CLBA1: variants seen among roughly 807,000 people sequenced by gnomAD.
CLBA1 encodes the protein clathrin binding box of aftiphilin containing 1.
Under a neutral mutation model 28.8 loss-of-function variants are expected in CLBA1, and 30 were observed. The observed-to-expected ratio is 1.04, with a 90% confidence interval of 0.78 to 1.41. The LOEUF is 1.41. Ranked by LOEUF, CLBA1 falls within the 40% of genes most tolerant of loss-of-function variation. CLBA1 has a pLI of 0.00. For missense variants in CLBA1, 451 were observed against 412.3 expected (o/e 1.09, Z -0.81); for synonymous variants, 160 against 152.8 (o/e 1.05, Z -0.35).
At chr14:104,992,205 G>A (rs1002279262) in intron 3 of CLBA1, among the ~76,000 whole-genome samples, 4 of 145,052 alleles carry the variant, frequency 2.8e-5, no homozygotes, top group South Asian at 2.2e-4. Flanking sequence ...CCACTCACAC[G>A]CCACCACTCA....
intron 2 of CLBA1, chr14:104,990,114 G>C (rs1425347667): frequency 5.2e-6 from 1 of 192,850 alleles, no homozygotes; most frequent in Non-Finnish European, 1.1e-5. Context: ...GACGGTGGGG[G>C]TGGGCTCTGT....
In CLBA1 at chr14:104,986,633, T is replaced by A. The variant is rs775662444; in HGVS notation, c.202T>A (p.Cys68Ser). ...REGGSTCTAR[C>S]PDPGEHSSTW... is the part of the protein sequence containing the mutation. ...GGGCGGTTCCACCTGCACTGCCCGA[T>A]GTCCTGACCCTGGGGAACACAGCAG... Residue 68 changes from cysteine (C) to serine (S), a missense_variant, in exon 1 of 5, where the codon TGT (cysteine) becomes AGT (serine). Transcript: ENST00000547315. 2 of 1,614,138 alleles carry A rather than the reference T, an allele frequency of 1.2e-6. No homozygotes were observed. Among genetic ancestry groups the A allele is most frequent in the Admixed American group, 1.7e-5 (1 of 60,032 alleles).
chr14:104,996,614 ACCC>A (rs1330155451), downstream of CLBA1, among the ~76,000 whole-genome samples: 1 of 152,132 alleles, frequency 6.6e-6, no homozygotes, highest in Non-Finnish European at 1.5e-5. Flanking sequence ...GCTGCAAGAC[ACCC>A]CGGGCGCAAG....
At position 104,995,450 on chromosome 14, in the gene CLBA1, G is replaced by A. The variant is rs755496120; in HGVS notation, c.*691G>A. 38 of 985,408 alleles carry A rather than the reference G, an allele frequency of 3.9e-5. 1 individual carries two copies. The highest frequency in any genetic ancestry group is 1.9e-4 in the African/African-American group (11 of 57,344). 61.0% of individuals were successfully genotyped at this position (985,408 alleles called of 1,614,324 possible). A position where few individuals can be genotyped will look rare whatever the true frequency, so the allele number is the denominator to read the frequency against. ...TCTGCTAAGGAAAACTGTGCTCTTC[G>A]AAGGGCAGAGCCAAGAAGTCAGCCC... On this transcript the variant is annotated 3_prime_UTR_variant, in exon 5 of 5. Transcript: ENST00000547315.
At chr14:104,991,888 T>A (rs1900033832) in intron 3 of CLBA1, among the ~76,000 whole-genome samples, 1 of 152,160 alleles carries the variant, frequency 6.6e-6, no homozygotes, top group Non-Finnish European at 1.5e-5. Flanking sequence ...CATTCAGAGA[T>A]GTGCAACAGT....
chr14:104,996,540 T>C (rs1429447409), downstream of CLBA1, among the ~76,000 whole-genome samples: 1 of 152,092 alleles, frequency 6.6e-6, no homozygotes, highest in African/African-American at 2.4e-5. Flanking sequence ...TCCCAAAGTC[T>C]GGAGGCCCAG....
At chr14:104,999,076 C>G (rs1452562728), downstream of CLBA1, 4 of 360,998 alleles carry the variant, frequency 1.1e-5, no homozygotes, top group Non-Finnish European at 1.5e-5. Flanking sequence ...TGGCAAAGGC[C>G]CTTCCTCCCA....
chr14:104,992,236 A>C (rs1190354611), intron 3 of CLBA1, among the ~76,000 whole-genome samples: 1 of 150,184 alleles, frequency 6.7e-6, no homozygotes, highest in Non-Finnish European at 1.5e-5. Flanking sequence ...CGCACACGCC[A>C]CCAAGCACAC....
In CLBA1 at chr14:104,995,033, T is replaced by C; in HGVS notation, c.*274T>C. On this transcript the variant is annotated 3_prime_UTR_variant, in exon 5 of 5. Transcript: ENST00000547315. Reference sequence around the variant, plus strand: ...TGGCACTCATGGGCCCCCTGCCCCATGTGAATGCTGCTGGCACCTGGTGGG... The same window carrying C: ...TGGCACTCATGGGCCCCCTGCCCCACGTGAATGCTGCTGGCACCTGGTGGG... The C allele has an allele frequency of 9.2e-7, 1 of 1,088,474 alleles. No homozygotes were observed. The highest frequency in any genetic ancestry group is 1.6e-5 in the African/African-American group (1 of 60,658). The allele number at this position is 1,088,474 out of a possible 1,614,324, so 67.4% of individuals were successfully genotyped here.
At chr14:105,000,294 T>C (rs897999763), downstream of CLBA1, among the ~76,000 whole-genome samples, 2 of 151,836 alleles carry the variant, frequency 1.3e-5, no homozygotes, top group Non-Finnish European at 1.5e-5. Context: ...TTCTTTCTTT[T>C]TTTTTTTTGC....
chr14:104,994,335 A>C (rs540983357), intron 4 of CLBA1: 2 of 985,470 alleles, frequency 2.0e-6, no homozygotes, highest in South Asian at 9.4e-5. Flanking sequence ...CAAGGGCCAG[A>C]GACCCCGCCT....
At chr14:104,989,634 A>G (rs1446710850) in intron 2 of CLBA1, 1 of 456,130 alleles carries the variant, frequency 2.2e-6, no homozygotes, top group Non-Finnish European at 4.4e-6. Context: ...TTTTCCAGGG[A>G]CACACTTTCA....
chr14:104,994,327 A>T (rs1356850658), intron 4 of CLBA1: 4 of 985,444 alleles, frequency 4.1e-6, no homozygotes, highest in Non-Finnish European at 4.8e-6. Flanking sequence ...ACGTAGCACA[A>T]GGGCCAGAGA....
Position 104,986,273 on chromosome 14 carries a change from T to C in CLBA1, c.-159T>C, listed in dbSNP as rs1217758421. 8.3e-6 allele frequency: 6 copies of C among 718,924 alleles called. No homozygotes were observed. In the African/African-American group the frequency reaches 8.9e-5, roughly 11 times the overall value. 44.5% of individuals were successfully genotyped at this position (718,924 alleles called of 1,614,324 possible). On this transcript the variant is annotated 5_prime_UTR_variant, in exon 1 of 5. Transcript: ENST00000547315. ...GTTCCACAGCAGCACGTGGGCACTT[T>C]CCACCGTCAGCCACTGGGCAGCCCG...
chr14:104,998,909 T>A (rs567341716), downstream of CLBA1, among the ~76,000 whole-genome samples: 3 of 152,212 alleles, frequency 2.0e-5, no homozygotes, highest in Non-Finnish European at 4.4e-5. Flanking sequence ...CAAATAACAC[T>A]GATGGAGGAC....
rs1483651729 is a variant in CLBA1 at position 104,989,026 on chromosome 14, A to G, written c.507A>G (p.Ile169Met). The change falls in exon 2 of 5, where the codon ATA becomes ATG. Residue 169 changes from isoleucine (I) to methionine (M), a missense_variant. Transcript: ENST00000547315. The stretch of plus-strand genomic sequence containing the variant: ...AGGCAGCTGAAGACGTTTCCACCAT[A>G]GACCATTTCCTAGAAATAAGCAGTG... ...VQQAAEDVST[I>M]DHFLEISSEE... 1 of 1,613,672 alleles carries G rather than the reference A, an allele frequency of 6.2e-7. No homozygotes were observed. The highest frequency in any genetic ancestry group is 8.5e-7 in the Non-Finnish European group (1 of 1,179,770).
rs1158621713 is a variant in CLBA1, at chr14:104,988,856, T to G, written c.424-87T>G. On this transcript the variant is annotated intron_variant, in intron 1 of 4. Coordinates refer to ENST00000547315, the MANE Select transcript of CLBA1 (RefSeq NM_174891.4). ...TGGTATGATCAATTACAAATTTCAT[T>G]TCTATCACAATTATTTCTTTGGAAT... 4 of 1,341,868 alleles carry G rather than the reference T, an allele frequency of 3.0e-6. No homozygotes were observed. In the East Asian group the frequency reaches 9.3e-5, roughly 31 times the overall value. The allele number at this position is 1,341,868 out of a possible 1,614,324, so 83.1% of individuals were successfully genotyped here. A position where few individuals can be genotyped will look rare whatever the true frequency, so the allele number is the denominator to read the frequency against.
chr14:104,989,834 T>C (rs762301557), intron 2 of CLBA1: 1 of 401,160 alleles, frequency 2.5e-6, no homozygotes. Context: ...GTCAGCCTGC[T>C]GATTTTTGTG....
At position 104,989,125 on chromosome 14, in the gene CLBA1, T is replaced by C. The variant is rs374642549; in HGVS notation, c.569+37T>C. On this transcript the variant is annotated intron_variant, in intron 2 of 4. Coordinates refer to ENST00000547315, the MANE Select transcript of CLBA1 (RefSeq NM_174891.4). ...AAGAAATATTTCTTACAGCAACTGC[T>C]TTTGTACTTTTGTTTGATAAAAGTA... The C allele has an allele frequency of 1.0e-4, 164 of 1,588,762 alleles. No individual in the cohort carries two copies. In the Middle Eastern group the frequency reaches 4.9e-3, roughly 47 times the overall value.
Sources: gnomAD v4.1 joint callset for allele counts (sites outside exome capture counted in the v4.1 genomes callset) on GRCh38, gnomAD v4.1.1 for gene constraint, MANE v1.5 for transcripts, NCBI Gene and HGNC (gene_info 2026-07-23, HGNC 2026-07-21) for gene names.